Variants in EGR2 observed in about 807,000 individuals in gnomAD.
EGR2 encodes early growth response 2.
EGR2 carries 2 observed loss-of-function variants against 21.2 expected under a neutral mutation model. That is an observed-to-expected ratio of 0.09 (90% CI 0.04 to 0.30). The LOEUF is 0.30. EGR2 is among the 10% of genes least tolerant of loss of function. EGR2 has a pLI of 1.00. For missense variants in EGR2, 458 were observed against 630.2 expected (o/e 0.73, Z 2.93); for synonymous variants, 282 against 258.2 (o/e 1.09, Z -0.88).
upstream of EGR2, chr10:62,818,502 A>C (rs927586383): frequency 2.6e-6 from 3 of 1,142,066 alleles, no homozygotes; most frequent in Non-Finnish European, 3.4e-6. Context: ...AGAAAGAAAG[A>C]AAGAAAAGAA....
rs224085 is a variant in EGR2 at position 62,815,650 on chromosome 10, G to T, written c.169+211C>A. Among the ~76,000 whole-genome samples the T allele has an allele frequency of 0.99, 151,423 of 152,334 alleles. 75,264 individuals carry two copies. The highest frequency in any genetic ancestry group is 1 in the East Asian group (5,162 of 5,162). On this transcript the variant is annotated intron_variant, in intron 1 of 1. Transcript: ENST00000242480. ...GGGCGCGCCGGGGCGCACGCACGCC[G>T]GTTTGCTGGCGACCTGGCGCATCTG...
rs1842196510 is a variant in EGR2 at position 62,814,066 on chromosome 10, G to A, written c.572C>T (p.Ala191Val). 6.2e-7 allele frequency: 1 copy of A among 1,614,028 alleles called. No individual in the cohort carries two copies. Among genetic ancestry groups the A allele is most frequent in the Non-Finnish European group, 8.5e-7 (1 of 1,180,024 alleles). The change falls in exon 2 of 2, where the codon GCA becomes GTA. Residue 191 changes from alanine (A) to valine (V), a missense_variant. By Grantham distance (64) the Ala-to-Val change is moderately conservative. Transcript: ENST00000242480. The surrounding 1 kb of genome is among the most constrained non-coding windows in gnomAD (Gnocchi z 4.8). ...AGAGGAAGAGGTGGAGGTGGTGGCTGCTGACAGGAACGCAGAAGGGTCCTG... is the reference window on the plus strand; with the variant it reads ...AGAGGAAGAGGTGGAGGTGGTGGCTACTGACAGGAACGCAGAAGGGTCCTG... ...LYQDPSAFLS[A>V]ATTSTSSSLA...
chr10:62,818,547 C>T (rs187459357), upstream of EGR2: 378 of 1,257,754 alleles, frequency 3.0e-4, 1 homozygote, highest in African/African-American at 5.3e-3. Flanking sequence ...TTACCACGTG[C>T]GCCAGCCCAC....
At position 62,813,483 on chromosome 10, in the gene EGR2, G is replaced by A. The variant is rs1004335545; in HGVS notation, c.1155C>T (p.Leu385=). The change falls in exon 2 of 2, where the codon CTC becomes CTT. Residue 385 remains leucine (L), a synonymous_variant. Transcript: ENST00000242480. This position sits in a 1 kb window ranked among gnomAD's most constrained non-coding sequence, Gnocchi z 5.7. ...CGGTGTGGGTGCGGATATGGGTGGT[G>A]AGGTGGTCACTGCGGCTGAAGTTGC... ...CMRNFSRSDH[L]TTHIRTHTGE... is the part of the protein sequence containing the mutation. The A allele has an allele frequency of 1.9e-6, 3 of 1,614,152 alleles. No homozygotes were observed. The highest frequency in any genetic ancestry group is 2.5e-6 in the Non-Finnish European group (3 of 1,180,046).
chr10:62,815,851 C>T lies in EGR2; in HGVS notation c.169+10G>A. On this transcript the variant is annotated intron_variant, in intron 1 of 1. Coordinates refer to ENST00000242480, the MANE Select transcript of EGR2 (RefSeq NM_000399.5). ...GCGCAGGTCCGGGCCTGCGAAGACA[C>T]GCGGCTTACCTCCGGCCACTCCGTT... 6.2e-7 allele frequency: 1 copy of T among 1,613,904 alleles called. No individual in the cohort carries two copies. Among genetic ancestry groups the T allele is most frequent in the Non-Finnish European group, 8.5e-7 (1 of 1,179,860 alleles).
Position 62,813,896 on chromosome 10 carries a change from G to A in EGR2, c.742C>T (p.Pro248Ser). Residue 248 changes from proline to serine, a missense_variant, in exon 2 of 2, where the codon CCC becomes TCC. Physicochemically the swap from Pro to Ser is moderately conservative, Grantham distance 74. Coordinates refer to ENST00000242480, the MANE Select transcript of EGR2 (RefSeq NM_000399.5). The surrounding 1 kb of genome is among the most constrained non-coding windows in gnomAD (Gnocchi z 5.7). ...AGGGTGTCCAGTGGGCAGGGAAAGGGCTTACGGTCTGGGCCAGCTGTACCA... is the reference window on the plus strand; with the variant it reads ...AGGGTGTCCAGTGGGCAGGGAAAGGACTTACGGTCTGGGCCAGCTGTACCA... ...LHGTAGPDRK[P>S]FPCPLDTLRV... The A allele has an allele frequency of 6.2e-7, 1 of 1,614,216 alleles. No homozygotes were observed. Among genetic ancestry groups the A allele is most frequent in the Non-Finnish European group, 8.5e-7 (1 of 1,180,042 alleles).
chr10:62,813,554 G>C lies in EGR2; in HGVS notation c.1084C>G (p.Arg362Gly). The C allele has an allele frequency of 6.2e-7, 1 of 1,610,428 alleles. No homozygotes were observed. ...SRSDELTRHI[R>G]IHTGHKPFQC... ...AAGGGCTTATGCCCAGTGTGGATTCGGATGTGCCGTGTCAGCTCGTCAGAG... is the reference window on the plus strand; with the variant it reads ...AAGGGCTTATGCCCAGTGTGGATTCCGATGTGCCGTGTCAGCTCGTCAGAG... Residue 362 changes from arginine (R) to glycine (G), a missense_variant, in exon 2 of 2, where the codon CGA becomes GGA. Transcript: ENST00000242480. The surrounding 1 kb of genome is among the most constrained non-coding windows in gnomAD (Gnocchi z 5.7).
rs1353824847 is a variant in EGR2, at chr10:62,813,224, G to T, written c.1414C>A (p.Arg472=). ...GGGPLAPCSS[R]TRTP is the part of the protein sequence containing the mutation. ...GTCTCATCTCAAGGTGTCCGGGTCC[G>T]AGAGGAGCAAGGGGCGAGCGGCCCT... Residue 472 remains arginine, a synonymous_variant, in exon 2 of 2, where the codon CGG becomes AGG. Transcript: ENST00000242480. This position sits in a 1 kb window ranked among gnomAD's most constrained non-coding sequence, Gnocchi z 5.7. The T allele has an allele frequency of 3.2e-6, 5 of 1,568,954 alleles. No individual in the cohort carries two copies. Among genetic ancestry groups the T allele is most frequent in the Non-Finnish European group, 3.4e-6 (4 of 1,160,664 alleles).
At chr10:62,817,561 C>T (rs1311931844), upstream of EGR2, among the ~76,000 whole-genome samples, 1 of 152,024 alleles carries the variant, frequency 6.6e-6, no homozygotes. The surrounding 1 kb of genome is among the most constrained non-coding windows in gnomAD (Gnocchi z 4.4). Flanking sequence ...GATCCAGGAC[C>T]GCGCCCTGCC....
chr10:62,813,866 C>T lies in EGR2; in HGVS notation c.772G>A (p.Val258Met), dbSNP rs776440321. 2 of 1,614,134 alleles carry T rather than the reference C, an allele frequency of 1.2e-6. No homozygotes were observed. Among genetic ancestry groups the T allele is most frequent in the South Asian group, 1.1e-5 (1 of 91,086 alleles). ...PFPCPLDTLR[V>M]PPPLTPLSTI... is the part of the protein sequence containing the mutation. ...GAGAGTGGAGTGAGTGGAGGGGGCA[C>T]CCGCAGGGTGTCCAGTGGGCAGGGA... The change falls in exon 2 of 2, where the codon GTG (valine) becomes ATG (methionine). Residue 258 changes from valine to methionine, a missense_variant. Transcript: ENST00000242480. The surrounding 1 kb of genome is among the most constrained non-coding windows in gnomAD (Gnocchi z 5.7).
At position 62,813,266 on chromosome 10, in the gene EGR2, T is replaced by C; in HGVS notation, c.1372A>G (p.Ser458Gly). The change falls in exon 2 of 2, where the codon AGC (serine) becomes GGC (glycine). Residue 458 changes from serine to glycine, a missense_variant. Transcript: ENST00000242480. This position sits in a 1 kb window ranked among gnomAD's most constrained non-coding sequence, Gnocchi z 5.7. ...QPGGTLCSSNSSSLGGGPLAP... is the reference protein window; with the variant it reads ...QPGGTLCSSNGSSLGGGPLAP... Reference sequence around the variant, plus strand: ...AGCGGCCCTCCGCCAAGACTGCTGCTGTTACTGCTGCACAGGGTACCCCCA... The same window carrying C: ...AGCGGCCCTCCGCCAAGACTGCTGCCGTTACTGCTGCACAGGGTACCCCCA... 6.4e-7 allele frequency: 1 copy of C among 1,567,368 alleles called. No individual in the cohort carries two copies. Among genetic ancestry groups the C allele is most frequent in the East Asian group, 2.2e-5 (1 of 44,588 alleles).
At chr10:62,816,461 GC>G (rs1282926542), upstream of EGR2, 2 of 924,300 alleles carry the variant, frequency 2.2e-6, no homozygotes, top group African/African-American at 3.5e-5. Flanking sequence ...GCTGGGCCAG[GC>G]GGCTTTTGCC....
chr10:62,817,705 C>A (rs1168399843), upstream of EGR2, among the ~76,000 whole-genome samples: 1 of 152,202 alleles, frequency 6.6e-6, no homozygotes, highest in African/African-American at 2.4e-5. The surrounding 1 kb of genome is among the most constrained non-coding windows in gnomAD (Gnocchi z 4.4). Context: ...CCATCCCCAT[C>A]CCCCAACCCA....
chr10:62,816,168 C>A lies in EGR2; in HGVS notation c.-139G>T. On this transcript the variant is annotated 5_prime_UTR_variant, in exon 1 of 2. Coordinates refer to ENST00000242480, the MANE Select transcript of EGR2 (RefSeq NM_000399.5). The stretch of plus-strand genomic sequence containing the variant: ...ACTTAAAAACAACCACCACACACAC[C>A]AAGAAAAAAAAATCAACAGAAATAA... The A allele has an allele frequency of 3.2e-6, 5 of 1,544,504 alleles. No individual in the cohort carries two copies. The South Asian group carries it at 3.6e-5, about 11-fold the overall frequency.
chr10:62,815,799 C>G (rs1842251166), intron 1 of EGR2, 62 bp downstream of exon 1: 1 of 1,596,476 alleles, frequency 6.3e-7, no homozygotes. Flanking sequence ...CGCACACCCA[C>G]TGCACCCCAT....
chr10:62,814,996 C>G lies in EGR2; in HGVS notation c.170-528G>C, dbSNP rs1350428635. Among the ~76,000 whole-genome samples the G allele has an allele frequency of 3.3e-5, 5 of 152,262 alleles. No individual in the cohort carries two copies. Among genetic ancestry groups the G allele is most frequent in the Non-Finnish European group, 7.3e-5 (5 of 68,046 alleles). On this transcript the variant is annotated intron_variant, in intron 1 of 1. Coordinates refer to ENST00000242480, the MANE Select transcript of EGR2 (RefSeq NM_000399.5). This position sits in a 1 kb window ranked among gnomAD's most constrained non-coding sequence, Gnocchi z 4.8. The stretch of plus-strand genomic sequence containing the variant: ...GGCGCCTTGTGCCTTTTTCTCCCTC[C>G]CTCTCCCGCTGCGCTTCAGCCGAGG...
chr10:62,817,180 C>CCCCG (rs1838269646), upstream of EGR2, among the ~76,000 whole-genome samples: 1 of 152,140 alleles, frequency 6.6e-6, no homozygotes, highest in Non-Finnish European at 1.5e-5. The surrounding 1 kb of genome is among the most constrained non-coding windows in gnomAD (Gnocchi z 4.4). Context: ...CCCGCGCGCT[C>CCCCG]CCCGCCCCCC....
upstream of EGR2, among the ~76,000 whole-genome samples, chr10:62,817,752 C>A (rs749983065): frequency 3.9e-5 from 6 of 152,246 alleles, no homozygotes; most frequent in Non-Finnish European, 7.3e-5. The surrounding 1 kb of genome is among the most constrained non-coding windows in gnomAD (Gnocchi z 4.4). Flanking sequence ...AGAAACCCTT[C>A]TGTTTCGTTC....
rs554456422 is a variant in EGR2, at chr10:62,813,396, C to T, written c.1242G>A (p.Lys414=). Reference sequence around the variant, plus strand: ...GTCTCAGGTGGATCTTGGTGTGGCGCTTCCTCTCATCACTCCGGGCAAACT... The same window carrying T: ...GTCTCAGGTGGATCTTGGTGTGGCGTTTCCTCTCATCACTCCGGGCAAACT... The part of the protein sequence containing the change: ...GRKFARSDER[K]RHTKIHLRQK... Residue 414 remains lysine (K), a synonymous_variant, in exon 2 of 2, where the codon AAG becomes AAA. Coordinates refer to ENST00000242480, the MANE Select transcript of EGR2 (RefSeq NM_000399.5). This position sits in a 1 kb window ranked among gnomAD's most constrained non-coding sequence, Gnocchi z 5.7. 1.9e-5 allele frequency: 31 copies of T among 1,612,872 alleles called. No individual in the cohort carries two copies. In the East Asian group the frequency reaches 4.9e-4, roughly 26 times the overall value.
Sources: gnomAD v4.1 joint callset for allele counts (sites outside exome capture counted in the v4.1 genomes callset) on GRCh38, gnomAD v4.1.1 for gene constraint, Gnocchi (gnomAD v3.1) non-coding constraint, MANE v1.5 for transcripts, NCBI Gene and HGNC (gene_info 2026-07-23, HGNC 2026-07-21) for gene names.